Variants in SHB observed in about 807,000 individuals in gnomAD.
SHB encodes SH2 domain containing adaptor protein B.
In SHB, 20 loss-of-function variants were observed where a neutral mutation model predicts 52.3. The ratio of observed to expected loss-of-function variants is 0.38; its 90% confidence interval spans 0.27 to 0.56. SHB has a LOEUF of 0.56. Ranked by LOEUF, SHB falls within the 20% of genes least tolerant of loss-of-function variation. The pLI, the probability that SHB is intolerant of heterozygous loss-of-function variation, is 0.71. For missense variants in SHB, 825 were observed against 723.3 expected (o/e 1.14, Z -1.61); for synonymous variants, 397 against 316.5 (o/e 1.25, Z -2.70).
intron 1 of SHB, among the ~76,000 whole-genome samples, chr9:38,036,585 A>AT (rs1821490796): frequency 6.6e-6 from 1 of 152,198 alleles, no homozygotes; most frequent in Admixed American, 6.5e-5. Flanking sequence ...TACAGAGCAA[A>AT]TGAGCTCCGA....
intron 2 of SHB, among the ~76,000 whole-genome samples, chr9:37,985,714 C>CA (rs1820797900): frequency 6.6e-6 from 1 of 152,140 alleles, no homozygotes; most frequent in African/African-American, 2.4e-5. Flanking sequence ...CCCACTGAAC[C>CA]CCTACTATGT....
intron 5 of SHB, among the ~76,000 whole-genome samples, chr9:37,930,655 A>C (rs992127640): frequency 6.6e-6 from 1 of 152,208 alleles, no homozygotes; most frequent in East Asian, 1.9e-4. Flanking sequence ...TATCTAACTT[A>C]GTTTTATTTA....
intron 2 of SHB, among the ~76,000 whole-genome samples, chr9:38,009,701 T>C (rs556746417): frequency 1.3e-5 from 2 of 152,350 alleles, no homozygotes; most frequent in South Asian, 4.1e-4. Context: ...AAATCCCCTC[T>C]TGCCTTTAAA....
intron 2 of SHB, among the ~76,000 whole-genome samples, chr9:38,001,100 T>C (rs1821007841): frequency 6.6e-6 from 1 of 152,206 alleles, no homozygotes; most frequent in South Asian, 2.1e-4. Flanking sequence ...AAGTTAATTC[T>C]TTTTTTCGGT....
At chr9:37,948,459 A>G (rs1832519818) in intron 5 of SHB, among the ~76,000 whole-genome samples, 176 bp downstream of exon 5, 1 of 152,174 alleles carries the variant, frequency 6.6e-6, no homozygotes, top group South Asian at 2.1e-4. Flanking sequence ...AGTGAACATA[A>G]AAACTCCTCT....
In SHB at chr9:37,917,525, G is replaced by A. The variant is rs1037566677; in HGVS notation, c.*2296C>T. Among the ~76,000 whole-genome samples the A allele has an allele frequency of 2.0e-5, 3 of 152,208 alleles. No individual in the cohort carries two copies. The highest frequency in any genetic ancestry group is 4.4e-5 in the Non-Finnish European group (3 of 68,038). On this transcript the variant is annotated 3_prime_UTR_variant, in exon 6 of 6. Transcript: ENST00000377707. Reference sequence around the variant, plus strand: ...TCAGGAAGTGGCTGGACCTGAACTTGCCAGTGTGAGGTCTCACCCTCCTCC... The same window carrying A: ...TCAGGAAGTGGCTGGACCTGAACTTACCAGTGTGAGGTCTCACCCTCCTCC...
Position 37,935,922 on chromosome 9 carries a change from AAAG to A in SHB, c.1346+12710_1346+12712del. Reference sequence around the variant, plus strand: ...AATGAGCTTCCTGCTCTGCCTCATTAAAGAAAAAAAAAATCTCTATTATAGGCC... The same window carrying A: ...AATGAGCTTCCTGCTCTGCCTCATTAAAAAAAAAAATCTCTATTATAGGCC... On this transcript the variant is annotated intron_variant, in intron 5 of 5. Coordinates refer to ENST00000377707, the MANE Select transcript of SHB (RefSeq NM_003028.3). Among the ~76,000 whole-genome samples, 3 of 120,904 alleles carry A rather than the reference AAAG, an allele frequency of 2.5e-5. 1 individual carries two copies. In the South Asian group the frequency reaches 7.4e-4, roughly 30 times the overall value. 79.3% of individuals were successfully genotyped at this position (120,904 alleles called of 152,430 possible). A position where few individuals can be genotyped will look rare whatever the true frequency, so the allele number is the denominator to read the frequency against.
intron 2 of SHB, among the ~76,000 whole-genome samples, chr9:37,992,357 C>T (rs561206649): frequency 1.3e-5 from 2 of 152,158 alleles, no homozygotes; most frequent in South Asian, 2.1e-4. Context: ...GCTGAGATCG[C>T]GCCATTGCAT....
At chr9:37,959,026 T>C (rs1216991683) in intron 3 of SHB, among the ~76,000 whole-genome samples, 2 of 152,060 alleles carry the variant, frequency 1.3e-5, no homozygotes. Flanking sequence ...GACTTGAACT[T>C]ATAGATGGGG....
rs1832103760 is a variant in SHB at position 37,916,700 on chromosome 9, G to A, written c.*3121C>T. On this transcript the variant is annotated 3_prime_UTR_variant, in exon 6 of 6. Coordinates refer to ENST00000377707, the MANE Select transcript of SHB (RefSeq NM_003028.3). ...CGCTGTGAGCCTCTCTCCAGGAGAG[G>A]GTGTCAGCCTGGGCCATTCTTCTGA... 6.6e-6 allele frequency among the ~76,000 whole-genome samples: 1 copy of A among 152,222 alleles called. No homozygotes were observed. Among genetic ancestry groups the A allele is most frequent in the African/African-American group, 2.4e-5 (1 of 41,466 alleles).
chr9:38,061,455 G>C (rs1355016917), intron 1 of SHB, among the ~76,000 whole-genome samples: 1 of 152,148 alleles, frequency 6.6e-6, no homozygotes, highest in Non-Finnish European at 1.5e-5. Flanking sequence ...TTATTTTCTA[G>C]GGCCAAGCCT....
Position 37,917,448 on chromosome 9 carries a change from G to A in SHB, c.*2373C>T, listed in dbSNP as rs373792099. 7.9e-4 allele frequency among the ~76,000 whole-genome samples: 121 copies of A among 152,276 alleles called. No homozygotes were observed. Among genetic ancestry groups the A allele is most frequent in the African/African-American group, 2.8e-3 (115 of 41,574 alleles). ...GCCTTTTCTGAGGAGCAATGTGCCC[G>A]GGAAGATGGTCTACAGGGAAGGACC... On this transcript the variant is annotated 3_prime_UTR_variant, in exon 6 of 6. Transcript: ENST00000377707.
rs574115356 is a variant in SHB, at chr9:38,024,951, T to G, written c.718-8820A>C. ...CCACTGAAGAAAGTGACACCATGCA[T>G]AGTTTGAAAACCATTTATCCACTGG... On this transcript the variant is annotated intron_variant, in intron 1 of 5. Transcript: ENST00000377707. Among the ~76,000 whole-genome samples, 92 of 152,166 alleles carry G rather than the reference T, an allele frequency of 6.0e-4. 2 individuals carry two copies. Among genetic ancestry groups the G allele is most frequent in the Non-Finnish European group, 2.8e-4 (19 of 68,030 alleles).
At chr9:37,962,317 T>A (rs1832700570) in intron 3 of SHB, among the ~76,000 whole-genome samples, 1 of 152,116 alleles carries the variant, frequency 6.6e-6, no homozygotes, top group African/African-American at 2.4e-5. Context: ...TTCTGTTTTG[T>A]TCAAGGCTAA....
At chr9:37,978,253 C>T (rs1820677613) in intron 2 of SHB, among the ~76,000 whole-genome samples, 1 of 152,244 alleles carries the variant, frequency 6.6e-6, no homozygotes, top group Non-Finnish European at 1.5e-5. Flanking sequence ...CTTGTGCATA[C>T]ACCTCTCATG....
intron 2 of SHB, among the ~76,000 whole-genome samples, chr9:38,006,471 T>A (rs890956715): frequency 2.0e-5 from 3 of 152,202 alleles, no homozygotes; most frequent in Non-Finnish European, 4.4e-5. Flanking sequence ...CTGAGCCTAT[T>A]TCAGGACAGG....
At chr9:37,964,888 T>G (rs1450747979) in intron 3 of SHB, among the ~76,000 whole-genome samples, 1 of 152,166 alleles carries the variant, frequency 6.6e-6, no homozygotes, top group Non-Finnish European at 1.5e-5. Context: ...CAGATACCCC[T>G]GGCCCCAGCA....
chr9:37,938,826 T>C (rs1282099941), intron 5 of SHB, among the ~76,000 whole-genome samples: 2 of 152,160 alleles, frequency 1.3e-5, no homozygotes, highest in Non-Finnish European at 2.9e-5. Context: ...GGTGGTGCAC[T>C]GGGCCGTGAA....
rs571276071 is a variant in SHB, at chr9:37,997,691, G to C, written c.838+18320C>G. On this transcript the variant is annotated intron_variant, in intron 2 of 5. Coordinates refer to ENST00000377707, the MANE Select transcript of SHB (RefSeq NM_003028.3). ...CCCAAGTTATCTCATCTTTGTGGTT[G>C]GCCTTCTGGGCTGTCCAGCTCCACC... is the stretch of plus-strand genomic sequence containing the variant. 1.9e-3 allele frequency among the ~76,000 whole-genome samples: 282 copies of C among 152,286 alleles called. 2 individuals carry two copies. The highest frequency in any genetic ancestry group is 6.5e-3 in the African/African-American group (272 of 41,562).
Sources: gnomAD v4.1 joint callset for allele counts (sites outside exome capture counted in the v4.1 genomes callset) on GRCh38, gnomAD v4.1.1 for gene constraint, MANE v1.5 for transcripts, NCBI Gene and HGNC (gene_info 2026-07-23, HGNC 2026-07-21) for gene names.